The following MRLN variants were observed in gnomAD, a reference collection of about 807,000 sequenced individuals.
MRLN encodes myoregulin, also known as Linc-RNA activator of myogenesis.
At chr10:59,738,814 C>G (rs944386229) in intron 1 of MRLN, 2 of 152,262 alleles carry the variant, frequency 1.3e-5, no homozygotes, top group Admixed American at 1.3e-4. Flanking sequence ...CAAACATTCA[C>G]CACACTTTTT....
At chr10:59,740,397 G>A (rs1267051207) in intron 1 of MRLN, among the ~76,000 whole-genome samples, 1 of 152,052 alleles carries the variant, frequency 6.6e-6, no homozygotes, top group Non-Finnish European at 1.5e-5. Flanking sequence ...CCCCAGGTAG[G>A]TCCTTGAGGT....
At chr10:59,751,499 A>G (rs1022679524) in intron 1 of MRLN, among the ~76,000 whole-genome samples, 21 of 150,526 alleles carry the variant, frequency 1.4e-4, no homozygotes, top group African/African-American at 4.9e-4. Flanking sequence ...TGTCTCTACT[A>G]AAAAAAAATA....
At chr10:59,751,972 C>G (rs981948438) in intron 1 of MRLN, among the ~76,000 whole-genome samples, 2 of 152,086 alleles carry the variant, frequency 1.3e-5, no homozygotes, top group African/African-American at 2.4e-5. Flanking sequence ...CATAGAAAGA[C>G]AGAGCAAAAA....
At chr10:59,747,905 C>T (rs55981851) in intron 1 of MRLN, among the ~76,000 whole-genome samples, 30,068 of 152,148 alleles carry the variant, frequency 0.2, 3,504 homozygotes, top group Middle Eastern at 0.31. Flanking sequence ...ACAAGAAAAA[C>T]ATACATAATA....
At chr10:59,745,369 G>A (rs1285337138) in intron 1 of MRLN, among the ~76,000 whole-genome samples, 1 of 151,974 alleles carries the variant, frequency 6.6e-6, no homozygotes, top group African/African-American at 2.4e-5. Context: ...TATCTCCAAC[G>A]TAATGTTTTA....
At chr10:59,753,211 T>A (rs1468957936) in intron 1 of MRLN, 143 bp downstream of exon 1, 1 of 152,088 alleles carries the variant, frequency 6.6e-6, no homozygotes, top group Non-Finnish European at 1.5e-5. Flanking sequence ...GCTTTATGAG[T>A]CTAAGTGAAT....
rs138065987 is a variant in MRLN, at chr10:59,738,491, G to C, written c.-53C>G. ...AATCCCAGGTAGTGGTAGGTAACAC[G>C]GCTTCTCAGTTTTCTGCTCTTGCCA... On this transcript the variant is annotated 5_prime_UTR_variant, in exon 2 of 3. Transcript: ENST00000414264. The C allele has an allele frequency of 6.6e-6, 1 of 152,264 alleles. No individual in the cohort carries two copies. The highest frequency in any genetic ancestry group is 2.4e-5 in the African/African-American group (1 of 41,562). 9.4% of individuals were successfully genotyped at this position (152,264 alleles called of 1,614,324 possible).
In MRLN at chr10:59,742,670, T is replaced by TCCTTCCTTC. The variant is rs1455054784; in HGVS notation, c.-124-4117_-124-4109dup. 2.6e-5 allele frequency among the ~76,000 whole-genome samples: 4 copies of TCCTTCCTTC among 151,900 alleles called. No individual in the cohort carries two copies. The East Asian group carries it at 7.7e-4, about 29-fold the overall frequency. On this transcript the variant is annotated intron_variant, in intron 1 of 2. Transcript: ENST00000414264. Reference sequence around the variant, plus strand: ...TATTTCCTTCCTTCCTTCCTTCCCTTCCTTCCTTCCCTTCCTTCCCTTTCT... The same window carrying TCCTTCCTTC: ...TATTTCCTTCCTTCCTTCCTTCCCTTCCTTCCTTCCCTTCCTTCCCTTCCTTCCCTTTCT...
intron 1 of MRLN, among the ~76,000 whole-genome samples, chr10:59,748,426 T>G: frequency 6.6e-6 from 1 of 152,346 alleles, no homozygotes; most frequent in Admixed American, 6.5e-5. Context: ...AGAAATTAAC[T>G]TATCAATGAC....
In MRLN at chr10:59,750,111, T is replaced by C. The variant is rs574338179; in HGVS notation, c.-125+3243A>G. On this transcript the variant is annotated intron_variant, in intron 1 of 2. Coordinates refer to ENST00000414264, the MANE Select transcript of MRLN (RefSeq NM_001304731.2). ...TTTTGAGACGGAGTTTCGCTCTTGT[T>C]GCCTAGGCTGGAGTGCAATGGCACA... 2.9e-5 allele frequency among the ~76,000 whole-genome samples: 4 copies of C among 139,484 alleles called. No homozygotes were observed. The South Asian group carries it at 1.0e-3, about 35-fold the overall frequency. 91.5% of individuals were successfully genotyped at this position (139,484 alleles called of 152,430 possible). A position where few individuals can be genotyped will look rare whatever the true frequency, so the allele number is the denominator to read the frequency against.
chr10:59,750,060 CT>C (rs1564727595), intron 1 of MRLN, among the ~76,000 whole-genome samples: 1 of 124,060 alleles, frequency 8.1e-6, no homozygotes, highest in Non-Finnish European at 1.6e-5. Context: ...CTCTCTCTCT[CT>C]CTTTTTTTTT....
chr10:59,748,592 G>T (rs1323175734), intron 1 of MRLN, among the ~76,000 whole-genome samples: 1 of 152,158 alleles, frequency 6.6e-6, no homozygotes, highest in Non-Finnish European at 1.5e-5. Context: ...AACAATAAGG[G>T]GGAAAGACTG....
At chr10:59,746,888 C>G (rs1841049293) in intron 1 of MRLN, among the ~76,000 whole-genome samples, 1 of 152,198 alleles carries the variant, frequency 6.6e-6, no homozygotes, top group Non-Finnish European at 1.5e-5. Flanking sequence ...CAGCCTCCAC[C>G]TCCCGGATTC....
intron 1 of MRLN, chr10:59,739,415 C>T (rs1840957815): frequency 2.0e-5 from 3 of 152,128 alleles, no homozygotes; most frequent in South Asian, 4.1e-4. Context: ...ACATATCCTC[C>T]CATATGCTGT....
At chr10:59,747,963 G>A (rs1419400183) in intron 1 of MRLN, among the ~76,000 whole-genome samples, 1 of 152,148 alleles carries the variant, frequency 6.6e-6, no homozygotes, top group Admixed American at 6.5e-5. Flanking sequence ...TCCCAAAGTT[G>A]GGTGCTTGCA....
rs376201595 is a variant in MRLN, at chr10:59,750,049, T to G, written c.-125+3305A>C. Among the ~76,000 whole-genome samples the G allele has an allele frequency of 4.1e-3, 558 of 135,992 alleles. 7 individuals are homozygous for G. The highest frequency in any genetic ancestry group is 0.014 in the African/African-American group (511 of 36,904). The allele number at this position is 135,992 out of a possible 152,430, so 89.2% of individuals were successfully genotyped here. ...CTCTTCAATGGAACCTCCCTTGCTC[T>G]CTCTCTCTCTCTCTTTTTTTTTTTT... is the stretch of plus-strand genomic sequence containing the variant. On this transcript the variant is annotated intron_variant, in intron 1 of 2. Coordinates refer to ENST00000414264, the MANE Select transcript of MRLN (RefSeq NM_001304731.2).
intron 1 of MRLN, among the ~76,000 whole-genome samples, chr10:59,750,307 G>T (rs1430488033): frequency 6.6e-6 from 1 of 152,006 alleles, no homozygotes; most frequent in Non-Finnish European, 1.5e-5. Context: ...CTGACCTCAG[G>T]TGATCCATCC....
chr10:59,746,904 A>T (rs1397216385), intron 1 of MRLN, among the ~76,000 whole-genome samples: 1 of 152,122 alleles, frequency 6.6e-6, no homozygotes, highest in Non-Finnish European at 1.5e-5. Flanking sequence ...GATTCAAGTG[A>T]TTCTCCTGCC....
At chr10:59,751,440 C>T (rs1448543000) in intron 1 of MRLN, among the ~76,000 whole-genome samples, 1 of 151,850 alleles carries the variant, frequency 6.6e-6, no homozygotes, top group Non-Finnish European at 1.5e-5. Context: ...GGCGGTGGTT[C>T]ACTTGAGCCC....
Sources: allele counts gnomAD v4.1 joint callset (sites outside exome capture counted in the v4.1 genomes callset), GRCh38; gene constraint gnomAD v4.1.1; transcripts MANE v1.5; gene names NCBI Gene and HGNC (gene_info 2026-07-23, HGNC 2026-07-21).